TSPAN5: variants seen among roughly 807,000 people sequenced by gnomAD.
The protein encoded by TSPAN5 is tetraspanin 5.
TSPAN5 carries 10 observed loss-of-function variants against 37.1 expected under a neutral mutation model. The observed-to-expected ratio is 0.27, with a 90% confidence interval of 0.17 to 0.46. The LOEUF (loss-of-function observed/expected upper bound fraction) is 0.46. Ranked by LOEUF, TSPAN5 falls within the 20% of genes least tolerant of loss-of-function variation. The pLI is 1.00. For synonymous variants in TSPAN5, 110 were observed against 118.9 expected (o/e 0.93, Z 0.48); for missense variants, 195 against 326.6 (o/e 0.60, Z 3.11).
At chr4:98,532,258 T>G (rs542901753) in intron 1 of TSPAN5, among the ~76,000 whole-genome samples, 1 of 152,230 alleles carries the variant, frequency 6.6e-6, no homozygotes, top group South Asian at 2.1e-4. Context: ...GGGGATAGCA[T>G]TGAATCTATA....
At chr4:98,583,247 C>T (rs1405125426) in intron 1 of TSPAN5, among the ~76,000 whole-genome samples, 1 of 152,134 alleles carries the variant, frequency 6.6e-6, no homozygotes, top group Non-Finnish European at 1.5e-5. Context: ...CTTTTTTAGG[C>T]CCACTTATTT....
At chr4:98,619,000 T>A (rs1056073224) in intron 1 of TSPAN5, among the ~76,000 whole-genome samples, 1 of 152,098 alleles carries the variant, frequency 6.6e-6, no homozygotes, top group Non-Finnish European at 1.5e-5. Flanking sequence ...GGAAAGATAA[T>A]CTTTTTCTAA....
At chr4:98,612,050 T>C (rs550636638) in intron 1 of TSPAN5, among the ~76,000 whole-genome samples, 3 of 152,316 alleles carry the variant, frequency 2.0e-5, no homozygotes, top group Admixed American at 1.3e-4. Context: ...TAATGTTTCC[T>C]AGGAATCCTA....
At chr4:98,511,357 G>A (rs1179727517) in intron 1 of TSPAN5, among the ~76,000 whole-genome samples, 1 of 152,156 alleles carries the variant, frequency 6.6e-6, no homozygotes, top group Non-Finnish European at 1.5e-5. Flanking sequence ...AAGCCTAGAT[G>A]GTACAGCCTA....
rs891316910 is a variant in TSPAN5 at position 98,542,606 on chromosome 4, C to T, written c.82-34878G>A. 1.3e-3 allele frequency among the ~76,000 whole-genome samples: 198 copies of T among 151,822 alleles called. 5 individuals carry two copies. The highest frequency in any genetic ancestry group is 4.3e-3 in the Admixed American group (65 of 15,230). On this transcript the variant is annotated intron_variant, in intron 1 of 7. Coordinates refer to ENST00000305798, the MANE Select transcript of TSPAN5 (RefSeq NM_005723.4). ...CAGTGGTACATGCCTATAGTCCTAG[C>T]TACTCAGAAGACTGAGGCAGGAGGA...
intron 1 of TSPAN5, among the ~76,000 whole-genome samples, chr4:98,592,421 G>GTT (rs1204813183): frequency 0.069 from 6,457 of 93,658 alleles, 286 homozygotes; most frequent in South Asian, 0.091. Context: ...AGGGATCTCT[G>GTT]TTTTTTGTTT....
chr4:98,637,335 C>T (rs1009504340), intron 1 of TSPAN5, among the ~76,000 whole-genome samples: 5 of 152,166 alleles, frequency 3.3e-5, no homozygotes, highest in African/African-American at 1.2e-4. Flanking sequence ...GGTCACTCTC[C>T]CACAGATACT....
intron 1 of TSPAN5, among the ~76,000 whole-genome samples, chr4:98,652,489 G>A (rs1342853787): frequency 2.0e-5 from 3 of 152,086 alleles, no homozygotes; most frequent in Non-Finnish European, 4.4e-5. Flanking sequence ...ATCACTTTTC[G>A]ATTATGAACA....
intron 1 of TSPAN5, among the ~76,000 whole-genome samples, chr4:98,568,168 G>A (rs1755049406): frequency 6.6e-6 from 1 of 152,162 alleles, no homozygotes; most frequent in African/African-American, 2.4e-5. Context: ...TTAGAGCTCA[G>A]GAAACTCCAG....
intron 1 of TSPAN5, among the ~76,000 whole-genome samples, chr4:98,627,619 T>G (rs1157617034): frequency 6.6e-6 from 1 of 152,234 alleles, no homozygotes; most frequent in Non-Finnish European, 1.5e-5. Context: ...ACGGTCATTC[T>G]TCTTTAAGTA....
chr4:98,621,835 TG>T (rs1756488551), intron 1 of TSPAN5, among the ~76,000 whole-genome samples: 1 of 98,754 alleles, frequency 1.0e-5, no homozygotes, highest in Admixed American at 9.8e-5. Flanking sequence ...TCTGTCTCTA[TG>T]ATTTTTGCCT....
chr4:98,584,620 T>C (rs947501612), intron 1 of TSPAN5, among the ~76,000 whole-genome samples: 3 of 152,236 alleles, frequency 2.0e-5, no homozygotes, highest in Non-Finnish European at 4.4e-5. Flanking sequence ...AATCCTGTAC[T>C]GTATTTGAAA....
intron 1 of TSPAN5, among the ~76,000 whole-genome samples, chr4:98,575,452 A>C (rs759815192): frequency 6.6e-6 from 1 of 151,298 alleles, no homozygotes; most frequent in Non-Finnish European, 1.5e-5. Flanking sequence ...GCTCTTCAAT[A>C]CACATACTAC....
intron 1 of TSPAN5, among the ~76,000 whole-genome samples, chr4:98,518,242 T>G (rs1753777528): frequency 1.3e-5 from 2 of 151,962 alleles, no homozygotes; most frequent in South Asian, 4.2e-4. Flanking sequence ...TTAATGCAAA[T>G]AAAAACCAAA....
intron 1 of TSPAN5, among the ~76,000 whole-genome samples, chr4:98,633,755 T>C (rs1264166387): frequency 1.3e-5 from 2 of 152,136 alleles, no homozygotes; most frequent in Non-Finnish European, 2.9e-5. Context: ...CTCTTTTGTA[T>C]GTCATGCCAA....
At chr4:98,646,024 A>G (rs1757060960) in intron 1 of TSPAN5, among the ~76,000 whole-genome samples, 1 of 152,104 alleles carries the variant, frequency 6.6e-6, no homozygotes, top group Admixed American at 6.5e-5. Context: ...CCTTCCTCTC[A>G]GAGCTGAGCC....
chr4:98,541,874 T>C (rs189672043), intron 1 of TSPAN5, among the ~76,000 whole-genome samples: 51 of 152,234 alleles, frequency 3.4e-4, no homozygotes, highest in African/African-American at 1.1e-3. Context: ...GACTCTAATT[T>C]TAGAGAGATA....
chr4:98,571,901 T>C (rs1755130519), intron 1 of TSPAN5, among the ~76,000 whole-genome samples: 2 of 152,210 alleles, frequency 1.3e-5, no homozygotes, highest in Non-Finnish European at 2.9e-5. Flanking sequence ...CTGTCAATGA[T>C]ATTACAGTCC....
At chr4:98,530,561 GGGAT>G (rs1165821476) in intron 1 of TSPAN5, among the ~76,000 whole-genome samples, 1 of 152,176 alleles carries the variant, frequency 6.6e-6, no homozygotes, top group African/African-American at 2.4e-5. Context: ...ACAAAGTGAT[GGGAT>G]GTGCATTGGA....
Sources: gnomAD v4.1 joint callset for allele counts (sites outside exome capture counted in the v4.1 genomes callset) on GRCh38, gnomAD v4.1.1 for gene constraint, MANE v1.5 for transcripts, NCBI Gene and HGNC (gene_info 2026-07-23, HGNC 2026-07-21) for gene names.